The following MRPS27 variants were observed in gnomAD, a reference collection of about 807,000 sequenced individuals.
MRPS27 encodes small ribosomal subunit protein mS27.
Under a neutral mutation model 48.9 loss-of-function variants are expected in MRPS27, and 43 were observed. The ratio of observed to expected loss-of-function variants is 0.88; its 90% CI spans 0.69 to 1.13. The LOEUF (loss-of-function observed/expected upper bound fraction) is 1.13, where lower values mean the gene tolerates loss of function less well. MRPS27 is among the 50% of genes most tolerant of loss of function. MRPS27 has a pLI of 0.00. For missense variants in MRPS27, 467 were observed against 476.3 expected (o/e 0.98, Z 0.18); for synonymous variants, 188 against 171.9 (o/e 1.09, Z -0.73).
intron 4 of MRPS27, among the ~76,000 whole-genome samples, chr5:72,287,095 T>C (rs1749691795): frequency 6.6e-6 from 1 of 152,122 alleles, no homozygotes; most frequent in Non-Finnish European, 1.5e-5. Context: ...TAGATTCTCA[T>C]AGGAGCAGGA....
At chr5:72,306,005 C>T (rs926389899) in intron 2 of MRPS27, among the ~76,000 whole-genome samples, 1 of 152,186 alleles carries the variant, frequency 6.6e-6, no homozygotes, top group African/African-American at 2.4e-5. Context: ...GCCCAGGGCT[C>T]TACAGAGCAC....
rs1465538207 is a variant in MRPS27, at chr5:72,221,131, A to T, written c.1023T>A (p.Leu341=). 1 of 1,614,008 alleles carries T rather than the reference A, an allele frequency of 6.2e-7. No individual in the cohort carries two copies. Among genetic ancestry groups the T allele is most frequent in the Non-Finnish European group, 8.5e-7 (1 of 1,179,994 alleles). The change falls in exon 11 of 11, where the codon CTT becomes CTA. Residue 341 remains leucine, a synonymous_variant. Coordinates refer to ENST00000261413, the MANE Select transcript of MRPS27 (RefSeq NM_015084.3). ...LERFKALHSK[L]QALGKIESEG... ...CTGACTCAATTTTGCCCAGAGCTTG[A>T]AGCTTAGAATGTAAGGCCTGTTGGA...
chr5:72,234,255 A>G (rs1748143567), intron 5 of MRPS27, 58 bp from the exon 6 acceptor site: 4 of 1,297,622 alleles, frequency 3.1e-6, no homozygotes, highest in Non-Finnish European at 4.0e-6. Flanking sequence ...TTTAGTCTGT[A>G]ATATATGCCT....
chr5:72,319,959 G>C (rs1750704485), intron 1 of MRPS27, 190 bp downstream of exon 1: 1 of 634,864 alleles, frequency 1.6e-6, no homozygotes, highest in African/African-American at 1.8e-5. Context: ...CCTTTGGACA[G>C]GAACATACTG....
intron 4 of MRPS27, among the ~76,000 whole-genome samples, chr5:72,272,904 C>A (rs1749282799): frequency 6.6e-6 from 1 of 152,158 alleles, no homozygotes; most frequent in South Asian, 2.1e-4. Context: ...TAGGTATTGA[C>A]ACTGGGTAAT....
chr5:72,278,839 TG>T (rs1223346280), intron 4 of MRPS27, among the ~76,000 whole-genome samples: 1 of 152,242 alleles, frequency 6.6e-6, no homozygotes, highest in Non-Finnish European at 1.5e-5. Flanking sequence ...TCTTTCTCAC[TG>T]TTGTATGGTA....
chr5:72,237,111 A>C (rs1320604154), intron 5 of MRPS27, among the ~76,000 whole-genome samples: 5 of 151,914 alleles, frequency 3.3e-5, no homozygotes, highest in African/African-American at 1.2e-4. Context: ...GCATCCCAAA[A>C]TGCTAGGATT....
intron 4 of MRPS27, among the ~76,000 whole-genome samples, chr5:72,290,558 T>C (rs1749789911): frequency 1.3e-5 from 2 of 152,196 alleles, no homozygotes; most frequent in Admixed American, 1.3e-4. Flanking sequence ...TACTTAAGTC[T>C]CTATGTTGGG....
rs1748091248 is a variant in MRPS27 at position 72,232,569 on chromosome 5, A to T, written c.476-11T>A. 6.3e-7 allele frequency: 1 copy of T among 1,576,848 alleles called. No individual in the cohort carries two copies. Among genetic ancestry groups the T allele is most frequent in the East Asian group, 2.2e-5 (1 of 44,536 alleles). ...CCACAGATAAAGCATCTAGCAGAAG[A>T]TGAAAGTAAAAAAGAGAGGAAATTA... On this transcript the variant is annotated splice_polypyrimidine_tract_variant and intron_variant, in intron 6 of 10. Transcript: ENST00000261413.
chr5:72,244,538 CCTG>C (rs1294012376), intron 4 of MRPS27, among the ~76,000 whole-genome samples: 1 of 152,186 alleles, frequency 6.6e-6, no homozygotes, highest in Non-Finnish European at 1.5e-5. Context: ...CTCTGATCTG[CCTG>C]CTGTTTTGCC....
intron 4 of MRPS27, among the ~76,000 whole-genome samples, chr5:72,241,152 C>T (rs1266680273): frequency 1.3e-5 from 2 of 152,176 alleles, no homozygotes; most frequent in African/African-American, 2.4e-5. Context: ...ATCCTCCTGC[C>T]TTTGCCTCCT....
chr5:72,266,995 G>A (rs986723091), intron 4 of MRPS27, among the ~76,000 whole-genome samples: 2 of 152,200 alleles, frequency 1.3e-5, no homozygotes, highest in Non-Finnish European at 2.9e-5. Flanking sequence ...GGGCTTCAGA[G>A]ATGGCTATCT....
intron 1 of MRPS27, 93 bp downstream of exon 1, chr5:72,320,056 T>G: frequency 7.4e-7 from 1 of 1,354,656 alleles, no homozygotes; most frequent in Non-Finnish European, 1.1e-6. Flanking sequence ...AGCAATCAGA[T>G]TCCAGAAACG....
intron 2 of MRPS27, among the ~76,000 whole-genome samples, chr5:72,308,892 T>C (rs915687410): frequency 1.3e-5 from 2 of 152,170 alleles, no homozygotes; most frequent in African/African-American, 4.8e-5. Flanking sequence ...GACTCCTCAG[T>C]GCACATATTT....
chr5:72,279,617 TAAC>T lies in MRPS27; in HGVS notation c.281+15911_281+15913del, dbSNP rs199714561. ...TAAAAAACACACAACAAGCATTAAA[TAAC>T]AACAACAACAAAAACCATTCTGAAT... On this transcript the variant is annotated intron_variant, in intron 4 of 10. Transcript: ENST00000261413. Among the ~76,000 whole-genome samples, 752 of 151,660 alleles carry T rather than the reference TAAC, an allele frequency of 5.0e-3. 2 individuals carry two copies. Among genetic ancestry groups the T allele is most frequent in the African/African-American group, 0.017 (720 of 41,352 alleles).
At position 72,248,199 on chromosome 5, in the gene MRPS27, T is replaced by A. The variant is rs554536468; in HGVS notation, c.282-10071A>T. On this transcript the variant is annotated intron_variant, in intron 4 of 10. Transcript: ENST00000261413. Reference sequence around the variant, plus strand: ...TTTTTAAAAACTGAATATTTGAAATTATACAAACAAAATATGCTAAGAAAA... The same window carrying A: ...TTTTTAAAAACTGAATATTTGAAATAATACAAACAAAATATGCTAAGAAAA... Among the ~76,000 whole-genome samples the A allele has an allele frequency of 3.2e-4, 48 of 152,174 alleles. 1 individual carries two copies. The highest frequency in any genetic ancestry group is 5.9e-4 in the Non-Finnish European group (40 of 68,030).
In MRPS27 at chr5:72,296,908, A is replaced by G. The variant is rs144558183; in HGVS notation, c.222+724T>C. ...CCGTACCCATGCTGAAAATGAGAAA[A>G]TTGAGAGGGATCTCATTGCCCAATG... On this transcript the variant is annotated intron_variant, in intron 3 of 10. Coordinates refer to ENST00000261413, the MANE Select transcript of MRPS27 (RefSeq NM_015084.3). Among the ~76,000 whole-genome samples, 566 of 152,296 alleles carry G rather than the reference A, an allele frequency of 3.7e-3. 6 individuals are homozygous for G. The highest frequency in any genetic ancestry group is 4.8e-3 in the Non-Finnish European group (325 of 68,012).
Position 72,234,342 on chromosome 5 carries a change from G to A in MRPS27, c.397-145C>T, listed in dbSNP as rs947931234. 8.1e-6 allele frequency: 6 copies of A among 743,536 alleles called. No homozygotes were observed. In the African/African-American group the frequency reaches 1.1e-4, roughly 14 times the overall value. 46.1% of individuals were successfully genotyped at this position (743,536 alleles called of 1,614,324 possible). On this transcript the variant is annotated intron_variant, in intron 5 of 10. Coordinates refer to ENST00000261413, the MANE Select transcript of MRPS27 (RefSeq NM_015084.3). ...ATCATTTTACAGCATCTGTGACAGT[G>A]AAACAGAAGCCATGACTCATGAGGT...
rs551729537 is a variant in MRPS27 at position 72,233,980 on chromosome 5, A to T, written c.475+139T>A. 7.7e-6 allele frequency: 7 copies of T among 906,272 alleles called. No individual in the cohort carries two copies. In the South Asian group the frequency reaches 2.2e-4, roughly 29 times the overall value. 56.1% of individuals were successfully genotyped at this position (906,272 alleles called of 1,614,324 possible). A position where few individuals can be genotyped will look rare whatever the true frequency, so the allele number is the denominator to read the frequency against. ...TTTTTAAAAATTTTGCATAAAAGAT[A>T]ATCATCAAAACTTTTCTGACTAAAC... On this transcript the variant is annotated intron_variant, in intron 6 of 10. Transcript: ENST00000261413.
Sources: gnomAD v4.1 joint callset for allele counts (sites outside exome capture counted in the v4.1 genomes callset) on GRCh38, gnomAD v4.1.1 for gene constraint, MANE v1.5 for transcripts, NCBI Gene and HGNC (gene_info 2026-07-23, HGNC 2026-07-21) for gene names.